ERICH1: variants seen among roughly 807,000 people sequenced by gnomAD.
The protein encoded by ERICH1 is glutamate-rich protein 1.
Under a neutral mutation model 39.6 loss-of-function variants are expected in ERICH1, and 56 were observed. The observed-to-expected ratio is 1.41, with a 90% CI of 1.14 to 1.77. The LOEUF (loss-of-function observed/expected upper bound fraction) is 1.77. ERICH1 is among the 40% of genes most tolerant of loss of function. The pLI, the probability that ERICH1 is intolerant of heterozygous loss-of-function variation, is 0.00. For synonymous variants in ERICH1, 313 were observed against 223.6 expected (o/e 1.40, Z -3.57); for missense variants, 826 against 575.4 (o/e 1.44, Z -4.45).
intron 2 of ERICH1, among the ~76,000 whole-genome samples, chr8:700,456 G>A (rs1451773738): frequency 2.3e-5 from 2 of 86,636 alleles, no homozygotes; most frequent in African/African-American, 8.3e-5. Flanking sequence ...CCACAGACCC[G>A]CACAGGCGCA....
At chr8:655,966 A>G (rs1800611726) in intron 3 of ERICH1, among the ~76,000 whole-genome samples, 1 of 151,982 alleles carries the variant, frequency 6.6e-6, no homozygotes, top group Non-Finnish European at 1.5e-5. Flanking sequence ...CCCCCTGCCC[A>G]GGTGGACACC....
At chr8:659,903 C>T (rs1001749689), downstream of ERICH1, among the ~76,000 whole-genome samples, 1 of 152,018 alleles carries the variant, frequency 6.6e-6, no homozygotes, top group African/African-American at 2.4e-5. Context: ...GGGTGACCAT[C>T]GAGGCTTCCA....
At chr8:725,933 A>T (rs1169187236) in intron 1 of ERICH1, 1 of 152,310 alleles carries the variant, frequency 6.6e-6, no homozygotes. Context: ...TGAAGATGGG[A>T]AAAGAGGTGC....
At chr8:698,899 GTTTTT>G (rs4045087) in intron 2 of ERICH1, among the ~76,000 whole-genome samples, 4 of 140,388 alleles carry the variant, frequency 2.8e-5, no homozygotes, top group Non-Finnish European at 4.6e-5. Context: ...GTCTCTGTGA[GTTTTT>G]TTTTTTTTTT....
chr8:695,720 A>C (rs13254919), intron 2 of ERICH1, among the ~76,000 whole-genome samples: 169 of 50,482 alleles, frequency 3.3e-3, no homozygotes, highest in African/African-American at 6.5e-3. Context: ...CCACTCCTCT[A>C]CTTCCTCCCC....
chr8:618,300 C>T (rs1379039908), intron 3 of ERICH1, among the ~76,000 whole-genome samples: 2 of 152,104 alleles, frequency 1.3e-5, no homozygotes, highest in East Asian at 3.9e-4. Context: ...CCTCACCACC[C>T]TCTGAGTGCT....
intron 2 of ERICH1, among the ~76,000 whole-genome samples, chr8:698,613 CA>C (rs1172849204): frequency 6.6e-6 from 1 of 152,102 alleles, no homozygotes; most frequent in Non-Finnish European, 1.5e-5. Flanking sequence ...TTCTGAAAAA[CA>C]TTTTTAAAAA....
At chr8:717,564 G>C (rs979247409) in intron 1 of ERICH1, among the ~76,000 whole-genome samples, 15 of 152,332 alleles carry the variant, frequency 9.8e-5, no homozygotes, top group African/African-American at 3.6e-4. Context: ...AGATGACCAA[G>C]CTGGTGATGA....
intron 3 of ERICH1, among the ~76,000 whole-genome samples, chr8:652,054 C>T (rs570901683): frequency 6.6e-6 from 1 of 152,274 alleles, no homozygotes; most frequent in African/African-American, 2.4e-5. Context: ...GGAGGCAGAG[C>T]GTTTGCGGGC....
intron 3 of ERICH1, among the ~76,000 whole-genome samples, chr8:633,577 C>G (rs578139912): frequency 6.6e-6 from 1 of 152,104 alleles, no homozygotes; most frequent in Non-Finnish European, 1.5e-5. Flanking sequence ...TCCTGATTAC[C>G]CAAAACAATC....
At position 726,656 on chromosome 8, in the gene ERICH1, G is replaced by C. The variant is rs1818761874; in HGVS notation, c.22+4484C>G. Among the ~76,000 whole-genome samples the C allele has an allele frequency of 2.7e-5, 4 of 147,598 alleles. No individual in the cohort carries two copies. In the South Asian group the frequency reaches 8.6e-4, roughly 32 times the overall value. On this transcript the variant is annotated intron_variant, in intron 1 of 5. Transcript: ENST00000262109. ...AACACACAGACACACATGTACACAAGTGCCACACACAGACGTGTACACAGG... is the reference window on the plus strand; with the variant it reads ...AACACACAGACACACATGTACACAACTGCCACACACAGACGTGTACACAGG...
chr8:703,113 C>G (rs577653753), intron 2 of ERICH1, among the ~76,000 whole-genome samples: 101 of 152,346 alleles, frequency 6.6e-4, no homozygotes, highest in African/African-American at 2.4e-3. Flanking sequence ...AGAAGGGCCT[C>G]TCGTGTCCCC....
intron 3 of ERICH1, among the ~76,000 whole-genome samples, chr8:677,377 T>C (rs905054554): frequency 6.6e-6 from 1 of 152,192 alleles, no homozygotes; most frequent in African/African-American, 2.4e-5. Context: ...TTGTGATTGG[T>C]ATCCGTTCTG....
At chr8:659,982 C>G (rs116317988), downstream of ERICH1, among the ~76,000 whole-genome samples, 1 of 152,348 alleles carries the variant, frequency 6.6e-6, no homozygotes, top group African/African-American at 2.4e-5. Context: ...TACAAGGATC[C>G]TGGCCTCAAG....
In ERICH1 at chr8:680,375, C is replaced by T. The variant is rs149380658; in HGVS notation, c.305-6328G>A. On this transcript the variant is annotated intron_variant, in intron 3 of 5. Coordinates refer to ENST00000262109, the MANE Select transcript of ERICH1 (RefSeq NM_207332.3). ...AACACAGAAGATGCAAGAGAATCCA[C>T]AGCTGCCACCCCTGAAAACACAGAA... is the stretch of plus-strand genomic sequence containing the variant. Among the ~76,000 whole-genome samples, 336 of 144,628 alleles carry T rather than the reference C, an allele frequency of 2.3e-3. 3 individuals are homozygous for T. The highest frequency in any genetic ancestry group is 3.1e-3 in the Admixed American group (44 of 14,386). 94.9% of individuals were successfully genotyped at this position (144,628 alleles called of 152,430 possible).
At chr8:706,585 C>T (rs1245130851) in intron 2 of ERICH1, among the ~76,000 whole-genome samples, 4 of 151,994 alleles carry the variant, frequency 2.6e-5, no homozygotes, top group Admixed American at 6.6e-5. Flanking sequence ...ACCAGCCTGA[C>T]GAACATGGAG....
chr8:701,558 G>C (rs1463575617), intron 2 of ERICH1, among the ~76,000 whole-genome samples: 1 of 152,228 alleles, frequency 6.6e-6, no homozygotes, highest in Non-Finnish European at 1.5e-5. Flanking sequence ...ACAGAGGGCT[G>C]AGGAAACTGC....
chr8:667,999 G>A (rs76197933), intron 5 of ERICH1: 2,628 of 156,516 alleles, frequency 0.017, 32 homozygotes, highest in Non-Finnish European at 0.027. Context: ...GGGCCAGGTG[G>A]GCTGCTCTGC....
intron 2 of ERICH1, among the ~76,000 whole-genome samples, chr8:706,976 A>C (rs1348482103): frequency 6.6e-6 from 1 of 152,090 alleles, no homozygotes; most frequent in Non-Finnish European, 1.5e-5. Flanking sequence ...TTTTTTTTGC[A>C]GAAATTGACA....
Sources: allele counts gnomAD v4.1 joint callset (sites outside exome capture counted in the v4.1 genomes callset), GRCh38; gene constraint gnomAD v4.1.1; transcripts MANE v1.5; gene names NCBI Gene and HGNC (gene_info 2026-07-23, HGNC 2026-07-21).